The following OSBPL9 variants were observed in gnomAD, a reference collection of about 807,000 sequenced individuals.
The protein encoded by OSBPL9 is oxysterol-binding protein-related protein 9.
In OSBPL9, 40 loss-of-function variants were observed where a neutral mutation model predicts 106.6. The ratio of observed to expected loss-of-function variants is 0.38; its 90% CI spans 0.29 to 0.49. The LOEUF (loss-of-function observed/expected upper bound fraction) is 0.49. OSBPL9 is among the 20% of genes least tolerant of loss of function. The pLI is 0.97. For synonymous variants in OSBPL9, 269 were observed against 295.4 expected, an observed-to-expected ratio of 0.91 and a Z score of 0.92; for missense variants, 609 against 887.2, an observed-to-expected ratio of 0.69 and a Z score of 3.98.
intron 3 of OSBPL9, among the ~76,000 whole-genome samples, chr1:51,686,036 G>T (rs184366405): frequency 6.6e-6 from 1 of 152,154 alleles, no homozygotes; most frequent in Non-Finnish European, 1.5e-5. Context: ...CTTGAATATG[G>T]ATGATTTAAA....
intron 1 of OSBPL9, among the ~76,000 whole-genome samples, chr1:51,647,947 C>T (rs894076764): frequency 4.6e-5 from 7 of 152,146 alleles, no homozygotes; most frequent in African/African-American, 1.7e-4. Context: ...CATATCAGTT[C>T]GATATTCCCA....
At chr1:51,732,969 C>T (rs1351201828) in intron 4 of OSBPL9, among the ~76,000 whole-genome samples, 1 of 152,194 alleles carries the variant, frequency 6.6e-6, no homozygotes, top group Non-Finnish European at 1.5e-5. Flanking sequence ...AGTTATTTGT[C>T]TTTTCACAGC....
the OSBPL9 span, among the ~76,000 whole-genome samples, chr1:51,550,711 A>G: frequency 4.6e-5 from 7 of 152,064 alleles, no homozygotes; most frequent in Non-Finnish European, 1.0e-4. Flanking sequence ...ACAGGGTTTC[A>G]CCACATTAGC....
chr1:51,680,641 A>G (rs905515313), intron 3 of OSBPL9, among the ~76,000 whole-genome samples: 4 of 152,082 alleles, frequency 2.6e-5, no homozygotes, highest in African/African-American at 4.8e-5. Flanking sequence ...AGCCTGGGTG[A>G]CAGAGTGAGA....
At chr1:51,523,889 A>T in the OSBPL9 span, among the ~76,000 whole-genome samples, 7 of 152,302 alleles carry the variant, frequency 4.6e-5, no homozygotes, top group South Asian at 1.5e-3. Flanking sequence ...GTGTCTGTGA[A>T]GTCAGCATCT....
At chr1:51,557,662 T>C in the OSBPL9 span, among the ~76,000 whole-genome samples, 2 of 152,210 alleles carry the variant, frequency 1.3e-5, no homozygotes, top group South Asian at 4.1e-4. Flanking sequence ...GTAAAGAGTA[T>C]AGGTTTGGGC....
At chr1:51,711,220 G>C (rs1659737335) in intron 3 of OSBPL9, among the ~76,000 whole-genome samples, 1 of 151,292 alleles carries the variant, frequency 6.6e-6, no homozygotes, top group Non-Finnish European at 1.5e-5. Context: ...TGAGCTGCTG[G>C]GCACACCTCC....
the OSBPL9 span, among the ~76,000 whole-genome samples, chr1:51,545,358 A>G: frequency 1.3e-5 from 2 of 152,186 alleles, no homozygotes; most frequent in Non-Finnish European, 2.9e-5. Context: ...GTCTTAAAAT[A>G]TACAGAACTC....
intron 1 of OSBPL9, among the ~76,000 whole-genome samples, chr1:51,632,225 G>A (rs972598155): frequency 6.6e-5 from 10 of 152,122 alleles, no homozygotes; most frequent in African/African-American, 2.2e-4. Context: ...ATAATTGTAT[G>A]TGCTATATTT....
At chr1:51,560,273 A>G in the OSBPL9 span, among the ~76,000 whole-genome samples, 2 of 152,088 alleles carry the variant, frequency 1.3e-5, no homozygotes, top group South Asian at 2.1e-4. Flanking sequence ...GGTGTAATCA[A>G]TACAGCAAAG....
the OSBPL9 span, among the ~76,000 whole-genome samples, chr1:51,533,834 C>G: frequency 7.5e-6 from 1 of 133,256 alleles, no homozygotes. Context: ...TTTGTTTTTT[C>G]TTTTTTCTTT....
At chr1:51,726,598 G>A (rs528436027) in intron 4 of OSBPL9, among the ~76,000 whole-genome samples, 4 of 151,704 alleles carry the variant, frequency 2.6e-5, no homozygotes, top group Non-Finnish European at 4.4e-5. Context: ...TAATAGGCAC[G>A]GCCTATTTTT....
chr1:51,699,920 C>A (rs548612318), intron 3 of OSBPL9, among the ~76,000 whole-genome samples: 24 of 152,136 alleles, frequency 1.6e-4, no homozygotes, highest in African/African-American at 5.8e-4. Context: ...ACATGTATAT[C>A]GAAAACCATG....
At chr1:51,690,951 G>T (rs1316134310) in intron 3 of OSBPL9, among the ~76,000 whole-genome samples, 3 of 152,202 alleles carry the variant, frequency 2.0e-5, no homozygotes, top group Admixed American at 1.3e-4. Flanking sequence ...CAAGCCTGTA[G>T]AGTATTACTG....
chr1:51,786,718 T>G, intron 22 of OSBPL9, 101 bp downstream of exon 22: 1 of 881,204 alleles, frequency 1.1e-6, no homozygotes, highest in East Asian at 2.7e-5. Context: ...CAGAGCATAA[T>G]AGTATAGACC....
At chr1:51,748,455 A>G (rs1668496483) in intron 7 of OSBPL9, 57 bp downstream of exon 7, 2 of 1,412,736 alleles carry the variant, frequency 1.4e-6, no homozygotes, top group East Asian at 2.7e-5. Context: ...TTAAAAAGTT[A>G]TTTCTATTTT....
At chr1:51,550,593 A>G in the OSBPL9 span, among the ~76,000 whole-genome samples, 4 of 152,226 alleles carry the variant, frequency 2.6e-5, no homozygotes, top group South Asian at 8.3e-4. Context: ...GCCCACTGCA[A>G]CTTTCGCCTC....
At chr1:51,705,400 T>TATATATATATATATATATATA (rs1465007339) in intron 3 of OSBPL9, among the ~76,000 whole-genome samples, 2 of 34,750 alleles carry the variant, frequency 5.8e-5, no homozygotes, top group Non-Finnish European at 4.7e-5. Flanking sequence ...TATATATATA[T>TATATATATATATATATATATA]TTTTTTTTTT....
At chr1:51,752,838 A>G (rs1669558902) in intron 8 of OSBPL9, 2 of 234,042 alleles carry the variant, frequency 8.5e-6, no homozygotes, top group African/African-American at 4.5e-5. Flanking sequence ...TTATGATCCC[A>G]TTTAACCTTA....
Sources: gnomAD v4.1 joint callset for allele counts (sites outside exome capture counted in the v4.1 genomes callset) on GRCh38, gnomAD v4.1.1 for gene constraint, MANE v1.5 for transcripts, NCBI Gene and HGNC (gene_info 2026-07-23, HGNC 2026-07-21) for gene names.